Variants in ITPR1 observed in about 807,000 individuals in gnomAD.
The protein encoded by ITPR1 is inositol 1,4,5-trisphosphate receptor type 1, also known as inositol 1,4,5-trisphosphate-gated calcium channel ITPR1.
ITPR1 carries 96 observed loss-of-function variants against 318.4 expected under a neutral mutation model. The ratio of observed to expected loss-of-function variants is 0.30; its 90% CI spans 0.26 to 0.36. The LOEUF (loss-of-function observed/expected upper bound fraction) is 0.36. Ranked by LOEUF, ITPR1 falls within the 10% of genes least tolerant of loss-of-function variation. The pLI is 1.00. For missense variants in ITPR1, 2,440 were observed against 3,460.2 expected (o/e 0.71, Z 7.40); for synonymous variants, 1,312 against 1,289.9 (o/e 1.02, Z -0.37).
intron 4 of ITPR1, among the ~76,000 whole-genome samples, chr3:4,538,863 C>A (rs1340196526): frequency 3.3e-5 from 5 of 152,092 alleles, no homozygotes; most frequent in African/African-American, 1.2e-4. Context: ...GCAACACACA[C>A]TGGGGCCTTT....
intron 60 of ITPR1, among the ~76,000 whole-genome samples, chr3:4,821,979 C>T (rs998979244): frequency 6.6e-6 from 1 of 152,242 alleles, no homozygotes; most frequent in Non-Finnish European, 1.5e-5. Context: ...CCCCTCAAAG[C>T]TGGGGCCAGG....
intron 7 of ITPR1, among the ~76,000 whole-genome samples, chr3:4,643,838 T>C (rs1248741385): frequency 6.6e-6 from 1 of 152,042 alleles, no homozygotes; most frequent in Non-Finnish European, 1.5e-5. Context: ...CTTACTTATA[T>C]AGGTACCTTA....
intron 44 of ITPR1, among the ~76,000 whole-genome samples, chr3:4,755,661 A>G (rs1253806141): frequency 6.6e-6 from 1 of 152,202 alleles, no homozygotes; most frequent in African/African-American, 2.4e-5. Flanking sequence ...GCCGTTCCCC[A>G]GAGCCCAGTG....
At chr3:4,711,712 A>T in intron 38 of ITPR1, 45 bp from the exon 39 acceptor site, 1 of 1,035,134 alleles carries the variant, frequency 9.7e-7, no homozygotes, top group Non-Finnish European at 1.5e-6. Flanking sequence ...TTTTTAATTT[A>T]AAATTAGCTT....
At chr3:4,667,652 G>T in intron 18 of ITPR1, 103 bp downstream of exon 18, 1 of 1,133,948 alleles carries the variant, frequency 8.8e-7, no homozygotes, top group Non-Finnish European at 1.2e-6. Flanking sequence ...CTAGTGACAA[G>T]TTTTGATTAG....
chr3:4,830,994 C>T (rs1411354417), intron 60 of ITPR1: 1 of 456,632 alleles, frequency 2.2e-6, no homozygotes, highest in South Asian at 1.5e-5. Flanking sequence ...GGTAGTCTTT[C>T]TTAGAACAGC....
chr3:4,644,800 C>T (rs911710635), intron 8 of ITPR1, among the ~76,000 whole-genome samples: 16 of 152,288 alleles, frequency 1.1e-4, no homozygotes, highest in African/African-American at 2.9e-4. Context: ...TTTCCAAGCT[C>T]TGTGACGGCA....
intron 2 of ITPR1, 62 bp from the exon 3 acceptor site, chr3:4,516,414 C>A: frequency 1.1e-6 from 1 of 912,950 alleles, no homozygotes. Context: ...CTCTTAGTGA[C>A]TTTTTTCCCC....
intron 53 of ITPR1, among the ~76,000 whole-genome samples, chr3:4,795,948 C>T (rs905083635): frequency 2.0e-5 from 3 of 152,100 alleles, no homozygotes; most frequent in Non-Finnish European, 2.9e-5. Context: ...GTCCACCTCC[C>T]GGCTAAATTT....
chr3:4,639,330 G>C, intron 5 of ITPR1, 54 bp from the exon 6 acceptor site: 1 of 1,327,290 alleles, frequency 7.5e-7, no homozygotes, highest in East Asian at 2.5e-5. Flanking sequence ...TCACTGCAGT[G>C]GGATAGAACA....
At chr3:4,506,112 T>C (rs1489449510) in intron 2 of ITPR1, among the ~76,000 whole-genome samples, 1 of 152,208 alleles carries the variant, frequency 6.6e-6, no homozygotes, top group Non-Finnish European at 1.5e-5. Flanking sequence ...GCCCTCATTA[T>C]CCCCATTCTG....
chr3:4,723,325 A>T (rs952729820), intron 40 of ITPR1, among the ~76,000 whole-genome samples: 1 of 152,216 alleles, frequency 6.6e-6, no homozygotes, highest in African/African-American at 2.4e-5. Context: ...TTTCCAGTCT[A>T]TTCCACGAAG....
At chr3:4,593,449 T>A (rs527573262) in intron 4 of ITPR1, among the ~76,000 whole-genome samples, 1 of 152,240 alleles carries the variant, frequency 6.6e-6, no homozygotes, top group Non-Finnish European at 1.5e-5. Context: ...TTGCATTTTA[T>A]AGTTTCTCTA....
At chr3:4,658,406 TG>T in intron 13 of ITPR1, 128 bp downstream of exon 13, 1 of 746,656 alleles carries the variant, frequency 1.3e-6, no homozygotes, top group Non-Finnish European at 2.1e-6. Context: ...GTGAAAGGTT[TG>T]CACTGACTGC....
At chr3:4,828,882 T>C (rs751256063) in intron 60 of ITPR1, among the ~76,000 whole-genome samples, 1 of 152,130 alleles carries the variant, frequency 6.6e-6, no homozygotes, top group Non-Finnish European at 1.5e-5. Flanking sequence ...ATTTATGCCG[T>C]TTGGATACCC....
chr3:4,759,691 G>A (rs1296878896), intron 44 of ITPR1, among the ~76,000 whole-genome samples: 1 of 152,154 alleles, frequency 6.6e-6, no homozygotes, highest in East Asian at 1.9e-4. Flanking sequence ...TTTATCTAGC[G>A]GCGTCTTTAT....
In ITPR1 at chr3:4,769,190, G is replaced by A. The variant is rs773650957; in HGVS notation, c.5979+426G>A. The stretch of plus-strand genomic sequence containing the variant: ...TCTAGGATTACAGGCATGAGCCACC[G>A]AGCCACCGAGCCTGGCCAGATCAGC... On this transcript the variant is annotated intron_variant, in intron 46 of 61. Coordinates refer to ENST00000649015, the MANE Select transcript of ITPR1 (RefSeq NM_001378452.1). 3.9e-5 allele frequency among the ~76,000 whole-genome samples: 6 copies of A among 152,182 alleles called. No homozygotes were observed. The Middle Eastern group carries it at 0.01, about 259-fold the overall frequency.
At chr3:4,610,739 T>A (rs1215344345) in intron 4 of ITPR1, among the ~76,000 whole-genome samples, 1 of 152,154 alleles carries the variant, frequency 6.6e-6, no homozygotes, top group East Asian at 1.9e-4. Context: ...TTCTCATTTT[T>A]TTTGTGCACC....
In ITPR1 at chr3:4,768,535, C is replaced by T; in HGVS notation, c.5750C>T (p.Thr1917Ile). Residue 1917 changes from threonine to isoleucine, a missense_variant, in exon 46 of 62, where the codon ACA (threonine) becomes ATA (isoleucine). Thr to Ile is a moderately conservative substitution (Grantham distance 89). This residue lies in a region of ITPR1 where 113 missense variants were observed against 103.6 expected (regional missense o/e 1.09). Coordinates refer to ENST00000649015, the MANE Select transcript of ITPR1 (RefSeq NM_001378452.1). ...GCTAAAGAGCCCACAACACAGATAA[C>T]AGAAGAGGTCCGGGATCAGCTCCTG... Reference protein sequence around the residue: ...KKAKEPTTQITEEVRDQLLEA... With the variant: ...KKAKEPTTQIIEEVRDQLLEA... The T allele has an allele frequency of 1.9e-6, 3 of 1,613,058 alleles. No individual in the cohort carries two copies. The highest frequency in any genetic ancestry group is 2.5e-6 in the Non-Finnish European group (3 of 1,179,262).
Sources: gnomAD v4.1 joint callset for allele counts (sites outside exome capture counted in the v4.1 genomes callset) on GRCh38, gnomAD v4.1.1 for gene constraint, gnomAD v4.1.1 regional missense constraint, MANE v1.5 for transcripts, NCBI Gene and HGNC (gene_info 2026-07-23, HGNC 2026-07-21) for gene names.